Variants in XRCC6 observed in about 807,000 individuals in gnomAD.
The protein encoded by XRCC6 is X-ray repair cross complementing 6, also known as DNA repair protein Ku70.
In XRCC6, 5 loss-of-function variants were observed where a neutral mutation model predicts 65.7. The observed-to-expected ratio is 0.08, with a 90% CI of 0.04 to 0.16. The LOEUF (loss-of-function observed/expected upper bound fraction) is 0.16. Ranked by LOEUF, XRCC6 falls within the 10% of genes least tolerant of loss-of-function variation. XRCC6 has a pLI of 1.00. For synonymous variants in XRCC6, 270 were observed against 270.6 expected (o/e 1.00, Z 0.02); for missense variants, 447 against 738.1 (o/e 0.61, Z 4.57).
At chr22:41,628,537 T>C (rs1238646498) in intron 3 of XRCC6, among the ~76,000 whole-genome samples, 1 of 152,006 alleles carries the variant, frequency 6.6e-6, no homozygotes, top group Non-Finnish European at 1.5e-5. Flanking sequence ...GATGGAAGTA[T>C]AAAGGAAGAA....
intron 6 of XRCC6, among the ~76,000 whole-genome samples, chr22:41,641,577 A>G (rs1373994615): frequency 6.6e-6 from 1 of 152,002 alleles, no homozygotes; most frequent in Non-Finnish European, 1.5e-5. Flanking sequence ...TTTTGTACTC[A>G]TTAACCATCC....
intron 3 of XRCC6, among the ~76,000 whole-genome samples, chr22:41,635,193 T>C (rs935545292): frequency 1.2e-4 from 19 of 152,228 alleles, no homozygotes; most frequent in Non-Finnish European, 4.4e-5. Flanking sequence ...AGGTTACTCA[T>C]AGTACCTAAT....
At chr22:41,660,399 A>C (rs959317994) in intron 11 of XRCC6, among the ~76,000 whole-genome samples, 1 of 151,984 alleles carries the variant, frequency 6.6e-6, no homozygotes, top group Non-Finnish European at 1.5e-5. Context: ...TAAATAATAA[A>C]TCCTATTCTA....
chr22:41,637,520 A>T, intron 5 of XRCC6, 88 bp from the exon 6 acceptor site: 2 of 1,256,036 alleles, frequency 1.6e-6, no homozygotes, highest in Non-Finnish European at 2.2e-6. Flanking sequence ...GGGAGCTTTT[A>T]AAAGCATGTT....
chr22:41,637,505 T>G, intron 5 of XRCC6, 103 bp from the exon 6 acceptor site: 1 of 1,102,870 alleles, frequency 9.1e-7, no homozygotes, highest in Non-Finnish European at 1.3e-6. Flanking sequence ...ATAGTCTAGT[T>G]TTCAGGGAGC....
chr22:41,628,566 T>C (rs537697273), intron 3 of XRCC6, among the ~76,000 whole-genome samples: 3 of 152,216 alleles, frequency 2.0e-5, no homozygotes, highest in South Asian at 4.1e-4. Context: ...CCCACAGTTA[T>C]AGTGTGGAAA....
intron 7 of XRCC6, among the ~76,000 whole-genome samples, chr22:41,649,139 A>AAAAAAAAAATATAT: frequency 2.0e-4 from 18 of 88,718 alleles, no homozygotes; most frequent in South Asian, 4.4e-4. Flanking sequence ...AAAAAAAAAA[A>AAAAAAAAAATATAT]ATATATATAT....
chr22:41,635,528 C>T (rs997180345), intron 3 of XRCC6, among the ~76,000 whole-genome samples: 2 of 152,070 alleles, frequency 1.3e-5, no homozygotes, highest in Non-Finnish European at 2.9e-5. Context: ...GCACAATTTC[C>T]TCCCTCTGAT....
chr22:41,631,412 G>A (rs1189960309), intron 3 of XRCC6, among the ~76,000 whole-genome samples: 2 of 151,304 alleles, frequency 1.3e-5, no homozygotes, highest in Non-Finnish European at 2.9e-5. Context: ...CTTCTCCGAC[G>A]GGGCGGTTGC....
At chr22:41,639,019 T>C (rs2067844154) in intron 6 of XRCC6, among the ~76,000 whole-genome samples, 1 of 152,170 alleles carries the variant, frequency 6.6e-6, no homozygotes, top group African/African-American at 2.4e-5. Flanking sequence ...ACAGCTATGA[T>C]GTCAGTAGGT....
At chr22:41,639,634 ACCATGTGT>A (rs1167207631) in intron 6 of XRCC6, among the ~76,000 whole-genome samples, 2 of 138,558 alleles carry the variant, frequency 1.4e-5, no homozygotes, top group Non-Finnish European at 3.1e-5. Context: ...GGCGTGAGCT[ACCATGTGT>A]CCATGTGTAG....
chr22:41,629,608 G>C (rs2067717223), intron 3 of XRCC6, among the ~76,000 whole-genome samples: 1 of 152,158 alleles, frequency 6.6e-6, no homozygotes, highest in Non-Finnish European at 1.5e-5. Context: ...AAATTTTTTG[G>C]AACTAGAGTT....
chr22:41,638,758 CAA>C (rs888951610), intron 6 of XRCC6, among the ~76,000 whole-genome samples: 5 of 94,368 alleles, frequency 5.3e-5, no homozygotes, highest in East Asian at 3.2e-4. Flanking sequence ...AGCCTGGTGA[CAA>C]AGTGAGACTC....
intron 5 of XRCC6, among the ~76,000 whole-genome samples, chr22:41,636,987 G>A (rs2067816795): frequency 6.6e-6 from 1 of 151,714 alleles, no homozygotes; most frequent in Admixed American, 6.6e-5. Flanking sequence ...AAAAAATAAA[G>A]TGAAGCCAGA....
chr22:41,649,139 A>AAAAAAAAAAAAT, intron 7 of XRCC6, among the ~76,000 whole-genome samples: 2 of 88,736 alleles, frequency 2.3e-5, no homozygotes, highest in Non-Finnish European at 4.1e-5. Flanking sequence ...AAAAAAAAAA[A>AAAAAAAAAAAAT]ATATATATAT....
At position 41,649,139 on chromosome 22, in the gene XRCC6, AATATATATATAT is replaced by A. The variant is rs1555906700; in HGVS notation, c.961-1571_961-1560del. 6.8e-5 allele frequency among the ~76,000 whole-genome samples: 6 copies of A among 88,736 alleles called. No homozygotes were observed. The Admixed American group carries it at 8.6e-4, about 13-fold the overall frequency. 58.2% of individuals were successfully genotyped at this position (88,736 alleles called of 152,430 possible). A position where few individuals can be genotyped will look rare whatever the true frequency, so the allele number is the denominator to read the frequency against. ...GGGAAGAGAGTACAAAAAAAAAAAA[AATATATATATAT>A]ATATATATATATGTATGTATGTGTG... On this transcript the variant is annotated intron_variant, in intron 7 of 12. Coordinates refer to ENST00000360079, the MANE Select transcript of XRCC6 (RefSeq NM_001469.5).
At chr22:41,626,231 G>A (rs1029855517) in intron 2 of XRCC6, among the ~76,000 whole-genome samples, 2 of 148,790 alleles carry the variant, frequency 1.3e-5, no homozygotes, top group African/African-American at 2.5e-5. Context: ...CAGCCTCTGC[G>A]TCCCAGATTC....
intron 6 of XRCC6, among the ~76,000 whole-genome samples, chr22:41,640,591 T>C (rs748229162): frequency 6.6e-6 from 1 of 152,232 alleles, no homozygotes; most frequent in Non-Finnish European, 1.5e-5. Flanking sequence ...TGGTAACTTT[T>C]AAGCAGTTTT....
chr22:41,639,001 A>G (rs2067843789), intron 6 of XRCC6, among the ~76,000 whole-genome samples: 2 of 152,116 alleles, frequency 1.3e-5, no homozygotes, highest in African/African-American at 4.8e-5. Flanking sequence ...TTGTGCGACA[A>G]ACTTACGACA....
Sources: gnomAD v4.1 joint callset for allele counts (sites outside exome capture counted in the v4.1 genomes callset) on GRCh38, gnomAD v4.1.1 for gene constraint, MANE v1.5 for transcripts, NCBI Gene and HGNC (gene_info 2026-07-23, HGNC 2026-07-21) for gene names.